Variants in SRBD1 observed in about 807,000 individuals in gnomAD.
The protein encoded by SRBD1 is S1 RNA binding domain 1, also known as S1 RNA-binding domain-containing protein 1.
In SRBD1, 88 loss-of-function variants were observed where a neutral mutation model predicts 115.3. The ratio of observed to expected loss-of-function variants is 0.76; its 90% CI spans 0.64 to 0.91. The LOEUF (loss-of-function observed/expected upper bound fraction) is 0.91. SRBD1 is among the 40% of genes least tolerant of loss of function. The pLI is 0.00. For missense variants in SRBD1, 1,385 were observed against 1,177.4 expected (o/e 1.18, Z -2.58); for synonymous variants, 509 against 407.7 (o/e 1.25, Z -2.99).
chr2:45,491,197 C>CT (rs1266483744), intron 14 of SRBD1, among the ~76,000 whole-genome samples: 2 of 152,064 alleles, frequency 1.3e-5, no homozygotes, highest in African/African-American at 4.8e-5. Flanking sequence ...TACGAAAACA[C>CT]TTTCTGTTTG....
At chr2:45,437,602 T>C (rs1668538996) in intron 16 of SRBD1, among the ~76,000 whole-genome samples, 1 of 152,158 alleles carries the variant, frequency 6.6e-6, no homozygotes, top group Non-Finnish European at 1.5e-5. Context: ...GTGGTACATG[T>C]TGATATTCCC....
rs148811197 is a variant in SRBD1, at chr2:45,522,829, C to T, written c.1874+23903G>A. ...TATTGTAACAATATCGAATACAAGA[C>T]GTATAACATACAGAACATGTGTTAA... On this transcript the variant is annotated intron_variant, in intron 14 of 20. Transcript: ENST00000263736. Among the ~76,000 whole-genome samples the T allele has an allele frequency of 1.9e-3, 294 of 152,198 alleles. 1 individual carries two copies. Among genetic ancestry groups the T allele is most frequent in the African/African-American group, 6.8e-3 (283 of 41,522 alleles).
intron 16 of SRBD1, among the ~76,000 whole-genome samples, chr2:45,468,124 T>C (rs533679184): frequency 6.6e-6 from 1 of 152,256 alleles, no homozygotes; most frequent in Non-Finnish European, 1.5e-5. Context: ...AATCTTACTA[T>C]ATATAGGTAT....
chr2:45,406,300 T>C (rs1667435169), intron 19 of SRBD1, among the ~76,000 whole-genome samples: 1 of 152,020 alleles, frequency 6.6e-6, no homozygotes, highest in African/African-American at 2.4e-5. Context: ...GACAGGATTG[T>C]AAGGTAGTTT....
At chr2:45,585,871 G>A in intron 4 of SRBD1, 97 bp from the exon 5 acceptor site, 1 of 996,496 alleles carries the variant, frequency 1.0e-6, no homozygotes, top group Non-Finnish European at 1.4e-6. Context: ...GTTCTCCAGT[G>A]ACTTAGAAAC....
chr2:45,471,462 T>C (rs982867932), intron 16 of SRBD1, among the ~76,000 whole-genome samples: 1 of 152,212 alleles, frequency 6.6e-6, no homozygotes, highest in Non-Finnish European at 1.5e-5. Context: ...TAGTTGCTTC[T>C]AATATTTTGC....
chr2:45,480,661 T>C (rs1335819846), intron 15 of SRBD1, among the ~76,000 whole-genome samples: 4 of 152,120 alleles, frequency 2.6e-5, no homozygotes, highest in East Asian at 3.9e-4. Flanking sequence ...GCTATGAACG[T>C]TGTGGAAATG....
At chr2:45,548,211 A>G (rs1041847770) in intron 12 of SRBD1, among the ~76,000 whole-genome samples, 1 of 151,658 alleles carries the variant, frequency 6.6e-6, no homozygotes, top group Non-Finnish European at 1.5e-5. Context: ...TAACCCAAAG[A>G]AAGCAGAAGA....
At chr2:45,440,598 T>A (rs530256367) in intron 16 of SRBD1, among the ~76,000 whole-genome samples, 90 of 152,356 alleles carry the variant, frequency 5.9e-4, no homozygotes, top group African/African-American at 2.1e-3. Flanking sequence ...GCTACACATT[T>A]TGACCTGACA....
At chr2:45,414,630 GTA>G (rs752885578) in intron 18 of SRBD1, among the ~76,000 whole-genome samples, 116 of 128,446 alleles carry the variant, frequency 9.0e-4, no homozygotes, top group African/African-American at 2.4e-3. Flanking sequence ...CACATAGTGT[GTA>G]TATAGTGTGT....
chr2:45,428,358 G>C (rs1668222123), intron 16 of SRBD1, among the ~76,000 whole-genome samples: 1 of 152,018 alleles, frequency 6.6e-6, no homozygotes, highest in Admixed American at 6.6e-5. Flanking sequence ...AGACCACCCT[G>C]GCTAACACAG....
intron 8 of SRBD1, among the ~76,000 whole-genome samples, chr2:45,573,932 A>G (rs1282299319): frequency 6.6e-6 from 1 of 152,208 alleles, no homozygotes; most frequent in Non-Finnish European, 1.5e-5. Flanking sequence ...TGCACAGCTC[A>G]AACAGCTAGA....
chr2:45,567,575 C>A (rs1341751708), intron 9 of SRBD1, among the ~76,000 whole-genome samples: 1 of 151,356 alleles, frequency 6.6e-6, no homozygotes, highest in African/African-American at 2.4e-5. Flanking sequence ...TGCCACTGCA[C>A]TCCAGCCTGG....
chr2:45,569,546 A>T (rs1223483990), intron 9 of SRBD1: 1 of 152,224 alleles, frequency 6.6e-6, no homozygotes, highest in African/African-American at 2.4e-5. Context: ...TAGGAATACT[A>T]GTTTTTTTTC....
rs565568021 is a variant in SRBD1 at position 45,587,570 on chromosome 2, C to T, written c.649-1796G>A. Reference sequence around the variant, plus strand: ...CAGGGAAAATTTATTAAAGAATTATCGTAATCAACTGATTATCAAAATCAA... The same window carrying T: ...CAGGGAAAATTTATTAAAGAATTATTGTAATCAACTGATTATCAAAATCAA... On this transcript the variant is annotated intron_variant, in intron 4 of 20. Coordinates refer to ENST00000263736, the MANE Select transcript of SRBD1 (RefSeq NM_018079.5). Among the ~76,000 whole-genome samples, 18 of 152,214 alleles carry T rather than the reference C, an allele frequency of 1.2e-4. 1 individual carries two copies. The South Asian group carries it at 1.2e-3, about 11-fold the overall frequency.
At chr2:45,424,516 ATTAAG>A (rs1292767647) in intron 16 of SRBD1, among the ~76,000 whole-genome samples, 32 of 152,298 alleles carry the variant, frequency 2.1e-4, no homozygotes, top group Non-Finnish European at 4.1e-4. Flanking sequence ...ATATCTATAC[ATTAAG>A]TTAAATCTGT....
intron 9 of SRBD1, chr2:45,568,037 G>C (rs1672889587): frequency 6.6e-6 from 1 of 151,754 alleles, no homozygotes. Context: ...TGAGTAGTGG[G>C]TTAAAGCGGA....
intron 16 of SRBD1, among the ~76,000 whole-genome samples, chr2:45,443,424 G>C (rs754455556): frequency 1.3e-5 from 2 of 152,100 alleles, no homozygotes; most frequent in Non-Finnish European, 2.9e-5. Flanking sequence ...GGAAGGATAA[G>C]ACAGTACTGC....
At chr2:45,564,753 G>A (rs899349437) in intron 9 of SRBD1, among the ~76,000 whole-genome samples, 1 of 152,140 alleles carries the variant, frequency 6.6e-6, no homozygotes, top group Admixed American at 6.5e-5. Context: ...TGACTTACAC[G>A]TGGATTTTTT....
Sources: gnomAD v4.1 joint callset for allele counts (sites outside exome capture counted in the v4.1 genomes callset) on GRCh38, gnomAD v4.1.1 for gene constraint, MANE v1.5 for transcripts, NCBI Gene and HGNC (gene_info 2026-07-23, HGNC 2026-07-21) for gene names.